The following AP3B1 variants were observed in gnomAD, a reference collection of about 807,000 sequenced individuals.
The protein encoded by AP3B1 is adaptor related protein complex 3 subunit beta 1, also known as AP-3 complex subunit beta-1.
Under a neutral mutation model 132.5 loss-of-function variants are expected in AP3B1, and 61 were observed. The observed-to-expected ratio is 0.46, with a 90% CI of 0.37 to 0.57. AP3B1 has a LOEUF of 0.57. Among genes scored for constraint, AP3B1 ranks in the 20% least tolerant of loss-of-function variants. The pLI, the probability that AP3B1 is intolerant of heterozygous loss-of-function variation, is 0.00. For synonymous variants in AP3B1, 388 were observed against 438.3 expected, an observed-to-expected ratio of 0.89 and a Z score of 1.43; for missense variants, 1,120 against 1,289.4, an observed-to-expected ratio of 0.87 and a Z score of 2.01.
rs141614303 is a variant in AP3B1 at position 78,051,806 on chromosome 5, G to T, written c.2578-12532C>A. Among the ~76,000 whole-genome samples the T allele has an allele frequency of 4.1e-3, 620 of 152,128 alleles. 1 individual carries two copies. The highest frequency in any genetic ancestry group is 7.3e-3 in the Non-Finnish European group (497 of 67,946). ...TTGATATATAATTTATAAAAATGACGAGGTAAGAAAATAGCTATAAACAGA... is the reference window on the plus strand; with the variant it reads ...TTGATATATAATTTATAAAAATGACTAGGTAAGAAAATAGCTATAAACAGA... On this transcript the variant is annotated intron_variant, in intron 22 of 26. Transcript: ENST00000255194.
intron 19 of AP3B1, among the ~76,000 whole-genome samples, chr5:78,111,467 C>T (rs1330991722): frequency 2.0e-5 from 3 of 152,022 alleles, no homozygotes; most frequent in African/African-American, 7.3e-5. Context: ...AGTGATAATA[C>T]AGTATAATAA....
chr5:78,027,667 T>A (rs1054045205), intron 24 of AP3B1, among the ~76,000 whole-genome samples: 6 of 152,182 alleles, frequency 3.9e-5, no homozygotes, highest in African/African-American at 1.4e-4. Flanking sequence ...AGTATATTTA[T>A]TTTTTATTTT....
At chr5:78,089,634 C>T (rs1750426220) in intron 21 of AP3B1, 135 bp from the exon 22 acceptor site, 2 of 702,574 alleles carry the variant, frequency 2.8e-6, no homozygotes, top group African/African-American at 1.8e-5. Context: ...TATTTAACAT[C>T]TTGATTTAGT....
At chr5:78,094,748 T>C (rs1706907447) in intron 21 of AP3B1, among the ~76,000 whole-genome samples, 1 of 152,136 alleles carries the variant, frequency 6.6e-6, no homozygotes, top group African/African-American at 2.4e-5. Context: ...TGGTGTGATC[T>C]TGGCTCACTG....
intron 14 of AP3B1, among the ~76,000 whole-genome samples, chr5:78,142,752 T>C (rs1370217750): frequency 6.6e-6 from 1 of 152,188 alleles, no homozygotes; most frequent in Non-Finnish European, 1.5e-5. Context: ...AATTATTATT[T>C]AGCATGTTTG....
At chr5:78,158,845 C>T (rs544081441) in intron 13 of AP3B1, among the ~76,000 whole-genome samples, 29 of 152,116 alleles carry the variant, frequency 1.9e-4, no homozygotes, top group South Asian at 1.0e-3. Context: ...TACAGGTGCC[C>T]GCCACCACGC....
intron 5 of AP3B1, 118 bp downstream of exon 5, chr5:78,227,254 T>C (rs1223353544): frequency 3.1e-5 from 30 of 971,406 alleles, no homozygotes; most frequent in Non-Finnish European, 4.5e-5. Context: ...ATACAGTCAC[T>C]GGATTTACTT....
At chr5:78,226,622 C>CTA (rs1291280963) in intron 5 of AP3B1, among the ~76,000 whole-genome samples, 1 of 151,942 alleles carries the variant, frequency 6.6e-6, no homozygotes. Context: ...ACATGATATG[C>CTA]TATTCATAAT....
chr5:78,104,057 TA>T (rs1751234105), intron 20 of AP3B1, among the ~76,000 whole-genome samples: 1 of 152,114 alleles, frequency 6.6e-6, no homozygotes, highest in Non-Finnish European at 1.5e-5. Flanking sequence ...TTTGAAACTA[TA>T]AAATAGGATA....
intron 15 of AP3B1, among the ~76,000 whole-genome samples, chr5:78,140,092 A>G (rs1433201186): frequency 6.6e-6 from 1 of 152,238 alleles, no homozygotes; most frequent in African/African-American, 2.4e-5. Context: ...TAAACAGGTA[A>G]GTCCACTCAC....
intron 7 of AP3B1, among the ~76,000 whole-genome samples, chr5:78,182,909 T>C (rs1051343168): frequency 5.9e-5 from 9 of 152,204 alleles, no homozygotes; most frequent in African/African-American, 2.2e-4. Context: ...ATATTGTCAG[T>C]GAAGACCAAG....
chr5:78,234,694 T>C (rs1465479098), intron 3 of AP3B1, among the ~76,000 whole-genome samples: 1 of 152,234 alleles, frequency 6.6e-6, no homozygotes, highest in East Asian at 1.9e-4. Flanking sequence ...CCATTTCTTA[T>C]TCATCTGTAT....
intron 14 of AP3B1, among the ~76,000 whole-genome samples, chr5:78,151,021 C>T (rs925261008): frequency 6.6e-6 from 1 of 152,096 alleles, no homozygotes; most frequent in Admixed American, 6.5e-5. Flanking sequence ...CATGTTCCAC[C>T]GATTCTCCTG....
chr5:78,226,442 C>T (rs1176583980), intron 5 of AP3B1, among the ~76,000 whole-genome samples: 1 of 152,104 alleles, frequency 6.6e-6, no homozygotes, highest in Non-Finnish European at 1.5e-5. Context: ...CCAATCCCAT[C>T]TCATTACATC....
intron 11 of AP3B1, among the ~76,000 whole-genome samples, chr5:78,168,590 C>T (rs1401598285): frequency 6.6e-6 from 1 of 152,128 alleles, no homozygotes; most frequent in East Asian, 1.9e-4. Context: ...AGAACTGTTG[C>T]TGTTGTTTTT....
At chr5:78,243,308 A>C (rs1197571463) in intron 2 of AP3B1, among the ~76,000 whole-genome samples, 2 of 148,682 alleles carry the variant, frequency 1.3e-5, no homozygotes, top group Non-Finnish European at 3.0e-5. Context: ...CATTCATTCA[A>C]TGATTACCTA....
chr5:78,128,533 G>T (rs1010240018), intron 16 of AP3B1, among the ~76,000 whole-genome samples: 3 of 151,932 alleles, frequency 2.0e-5, no homozygotes, highest in South Asian at 2.1e-4. Context: ...GCTTTTTATC[G>T]CTTTAAAATA....
chr5:78,031,336 C>G (rs1045778292), intron 24 of AP3B1, among the ~76,000 whole-genome samples: 5 of 152,172 alleles, frequency 3.3e-5, no homozygotes, highest in African/African-American at 9.7e-5. Flanking sequence ...CCTTTCCTCC[C>G]CACCAGCAAA....
At chr5:78,191,589 T>A (rs528916775) in intron 7 of AP3B1, among the ~76,000 whole-genome samples, 2 of 152,174 alleles carry the variant, frequency 1.3e-5, no homozygotes, top group Admixed American at 6.5e-5. Context: ...ATCATCTCAA[T>A]CCATAATTGA....
Sources: allele counts gnomAD v4.1 joint callset (sites outside exome capture counted in the v4.1 genomes callset), GRCh38; gene constraint gnomAD v4.1.1; transcripts MANE v1.5; gene names NCBI Gene and HGNC (gene_info 2026-07-23, HGNC 2026-07-21).